Variants in MEF2C observed in about 807,000 individuals in gnomAD.
MEF2C encodes the protein myocyte enhancer factor 2C, also known as myocyte-specific enhancer factor 2C.
MEF2C carries 6 observed loss-of-function variants against 50.5 expected under a neutral mutation model. The ratio of observed to expected loss-of-function variants is 0.12; its 90% CI spans 0.07 to 0.23. The LOEUF (loss-of-function observed/expected upper bound fraction) is 0.23, where lower values mean the gene tolerates loss of function less well. Among genes scored for constraint, MEF2C ranks in the 10% least tolerant of loss-of-function variants. The pLI is 1.00. For missense variants in MEF2C, 276 were observed against 605.0 expected, an observed-to-expected ratio of 0.46 and a Z score of 5.70; for synonymous variants, 183 against 228.0, an observed-to-expected ratio of 0.80 and a Z score of 1.78.
At chr5:88,741,704 T>G in intron 6 of MEF2C, 1 of 981,990 alleles carries the variant, frequency 1.0e-6, no homozygotes, top group South Asian at 4.7e-5. Context: ...TCCTTATACT[T>G]TAAATACAAC....
intron 1 of MEF2C, among the ~76,000 whole-genome samples, chr5:88,868,905 T>G (rs1343217835): frequency 6.6e-6 from 1 of 152,260 alleles, no homozygotes; most frequent in African/African-American, 2.4e-5. Context: ...TATGTTCACA[T>G]CGTCAAAAAA....
At position 88,800,369 on chromosome 5, in the gene MEF2C, C is replaced by G. The variant is rs1441569957; in HGVS notation, c.258+4229G>C. Among the ~76,000 whole-genome samples, 16 of 152,280 alleles carry G rather than the reference C, an allele frequency of 1.1e-4. No homozygotes were observed. The East Asian group carries it at 1.5e-3, about 15-fold the overall frequency. The stretch of plus-strand genomic sequence containing the variant: ...ATTAATGAGGTTATTGTTCCTTTGC[C>G]GTCCAATTGTTCCCAAGCTGATTTT... On this transcript the variant is annotated intron_variant, in intron 3 of 10. Coordinates refer to ENST00000504921, the MANE Select transcript of MEF2C (RefSeq NM_002397.5).
chr5:88,896,683 G>A (rs1431082767), intron 1 of MEF2C, among the ~76,000 whole-genome samples: 1 of 152,066 alleles, frequency 6.6e-6, no homozygotes, highest in East Asian at 1.9e-4. Flanking sequence ...AGATTCAAAA[G>A]GAAGAAATAA....
At chr5:88,814,872 G>A (rs1328765175) in intron 2 of MEF2C, among the ~76,000 whole-genome samples, 1 of 152,092 alleles carries the variant, frequency 6.6e-6, no homozygotes, top group East Asian at 1.9e-4. Context: ...AAGGATGACC[G>A]AAAATTGTTA....
intron 3 of MEF2C, chr5:88,785,501 C>G (rs1439728776): frequency 6.6e-6 from 1 of 152,092 alleles, no homozygotes; most frequent in Non-Finnish European, 1.5e-5. Context: ...GGGATACAGA[C>G]TGAACAAGAG....
intron 1 of MEF2C, among the ~76,000 whole-genome samples, chr5:88,866,660 T>C (rs1274883079): frequency 6.6e-6 from 1 of 152,232 alleles, no homozygotes; most frequent in Non-Finnish European, 1.5e-5. Flanking sequence ...ATAAACTTGA[T>C]ATAATATTTC....
At chr5:88,841,376 G>C (rs760756585) in intron 1 of MEF2C, among the ~76,000 whole-genome samples, 2 of 151,904 alleles carry the variant, frequency 1.3e-5, no homozygotes, top group Admixed American at 6.6e-5. Context: ...GTGTGGTGGC[G>C]CATGCCTGGA....
Position 88,720,318 on chromosome 5 carries a change from A to G in MEF2C, c.*2286T>C, listed in dbSNP as rs1755873928. The G allele has an allele frequency of 6.8e-6, 1 of 147,458 alleles. No individual in the cohort carries two copies. Among genetic ancestry groups the G allele is most frequent in the Non-Finnish European group, 1.5e-5 (1 of 66,750 alleles). 9.1% of individuals were successfully genotyped at this position (147,458 alleles called of 1,614,324 possible). On this transcript the variant is annotated 3_prime_UTR_variant, in exon 11 of 11. Coordinates refer to ENST00000504921, the MANE Select transcript of MEF2C (RefSeq NM_002397.5). ...ATGGATACCTTGAGTAGTGGGATAT[A>G]TATGAAATGGTTGATAGATTTTTTT... is the stretch of plus-strand genomic sequence containing the variant.
rs370478629 is a variant in MEF2C, at chr5:88,789,281, C to T, written c.258+15317G>A. Among the ~76,000 whole-genome samples, 25 of 151,958 alleles carry T rather than the reference C, an allele frequency of 1.6e-4. No homozygotes were observed. In the East Asian group the frequency reaches 2.5e-3, roughly 15 times the overall value. ...TCTCATGCTCAGGTGATTCTCTGACCTCAGTCTCCTGCGTAGCTAGGAGTA... is the reference window on the plus strand; with the variant it reads ...TCTCATGCTCAGGTGATTCTCTGACTTCAGTCTCCTGCGTAGCTAGGAGTA... On this transcript the variant is annotated intron_variant, in intron 3 of 10. Transcript: ENST00000504921.
intron 1 of MEF2C, among the ~76,000 whole-genome samples, chr5:88,902,684 T>C (rs1835788883): frequency 6.6e-6 from 1 of 151,948 alleles, no homozygotes; most frequent in Non-Finnish European, 1.5e-5. Context: ...GTTAAGGATG[T>C]AGATTTAAAG....
Position 88,751,974 on chromosome 5 carries a change from T to C in MEF2C, c.472A>G (p.Ser158Gly). The change falls in exon 5 of 11, where the codon AGC (serine) becomes GGC (glycine). Residue 158 changes from serine to glycine, a missense_variant. Ser to Gly is a moderately conservative substitution (Grantham distance 56, BLOSUM62 0). Transcript: ENST00000504921. ...PVSSHNSLVYSNPVSSLGNPN... is the reference protein window; with the variant it reads ...PVSSHNSLVYGNPVSSLGNPN... ...TTTCCCAGTGAGCTGACAGGGTTGC[T>C]GTACACCAAACTGTTGTGGCTGGAC... The C allele has an allele frequency of 4.3e-6, 7 of 1,613,986 alleles. No individual in the cohort carries two copies. Among genetic ancestry groups the C allele is most frequent in the Non-Finnish European group, 5.9e-6 (7 of 1,179,862 alleles).
Position 88,823,728 on chromosome 5 carries a change from C to T in MEF2C, c.54+7G>A, listed in dbSNP as rs764636204. The T allele has an allele frequency of 3.1e-6, 5 of 1,599,758 alleles. No homozygotes were observed. The highest frequency in any genetic ancestry group is 4.3e-6 in the Non-Finnish European group (5 of 1,172,112). ...ATAATGATACAAAAAAAGTTTACTC[C>T]ACTCACCTGTCTGTTACGTTCATCC... On this transcript the variant is annotated splice_region_variant and intron_variant, in intron 2 of 10. Transcript: ENST00000504921.
chr5:88,724,686 T>G (rs1053820902), intron 10 of MEF2C, among the ~76,000 whole-genome samples: 1 of 152,126 alleles, frequency 6.6e-6, no homozygotes, highest in African/African-American at 2.4e-5. Flanking sequence ...ATAAGCCTTG[T>G]TAAAATGGGG....
intron 1 of MEF2C, among the ~76,000 whole-genome samples, chr5:88,891,167 A>G (rs1834505401): frequency 6.6e-6 from 1 of 152,202 alleles, no homozygotes; most frequent in Admixed American, 6.5e-5. Flanking sequence ...CTAAGAGGCT[A>G]ATTGGGATAA....
At chr5:88,867,278 G>C (rs1171844755) in intron 1 of MEF2C, among the ~76,000 whole-genome samples, 1 of 152,072 alleles carries the variant, frequency 6.6e-6, no homozygotes, top group Non-Finnish European at 1.5e-5. Context: ...GCAAAATTAA[G>C]ACTCAATAAT....
chr5:88,849,405 T>G (rs917162619), intron 1 of MEF2C, among the ~76,000 whole-genome samples: 9 of 152,090 alleles, frequency 5.9e-5, no homozygotes, highest in African/African-American at 2.2e-4. Flanking sequence ...TAAAAATAAA[T>G]AAATAATAAG....
At chr5:88,737,358 C>G in intron 6 of MEF2C, 2 of 985,324 alleles carry the variant, frequency 2.0e-6, no homozygotes, top group Non-Finnish European at 2.4e-6. Context: ...TTAATTAAAG[C>G]GTCTTTTCTA....
intron 3 of MEF2C, among the ~76,000 whole-genome samples, chr5:88,773,296 G>A (rs577934229): frequency 6.6e-6 from 1 of 151,928 alleles, no homozygotes; most frequent in East Asian, 1.9e-4. Context: ...AAAACACATA[G>A]AGGGCACTTA....
intron 6 of MEF2C, chr5:88,733,304 G>A: frequency 4.1e-6 from 4 of 985,364 alleles, no homozygotes; most frequent in Non-Finnish European, 4.8e-6. Flanking sequence ...TTTAGAAGGG[G>A]ACCCGTGAAA....
Sources: allele counts gnomAD v4.1 joint callset (sites outside exome capture counted in the v4.1 genomes callset), GRCh38; gene constraint gnomAD v4.1.1; transcripts MANE v1.5; gene names NCBI Gene and HGNC (gene_info 2026-07-23, HGNC 2026-07-21).